The following MSRA variants were observed in gnomAD, a reference collection of about 807,000 sequenced individuals.
MSRA encodes the protein methionine sulfoxide reductase A.
MSRA carries 54 observed loss-of-function variants against 31.3 expected under a neutral mutation model. That is an observed-to-expected ratio of 1.73 (90% CI 1.39 to 2.17). MSRA has a LOEUF of 2.17. Among genes scored for constraint, MSRA ranks in the 30% most tolerant of loss-of-function variants. The pLI is 0.00. For missense variants in MSRA, 507 were observed against 300.9 expected (o/e 1.69, Z -5.07); for synonymous variants, 169 against 116.5 (o/e 1.45, Z -2.90).
chr8:10,169,403 C>T (rs1267765191), intron 1 of MSRA, among the ~76,000 whole-genome samples: 1 of 152,190 alleles, frequency 6.6e-6, no homozygotes, highest in East Asian at 1.9e-4. Flanking sequence ...TGTGTTACTG[C>T]CACTTTCATT....
intron 5 of MSRA, among the ~76,000 whole-genome samples, chr8:10,407,295 C>T (rs1461644717): frequency 2.6e-5 from 4 of 152,208 alleles, no homozygotes; most frequent in African/African-American, 9.7e-5. Context: ...CATCAGCTCC[C>T]CTGGGTCCTG....
At chr8:10,202,957 G>A (rs1019961304) in intron 1 of MSRA, among the ~76,000 whole-genome samples, 9 of 152,038 alleles carry the variant, frequency 5.9e-5, no homozygotes, top group African/African-American at 2.2e-4. Flanking sequence ...TCTTGTCCTG[G>A]ATCGCCTGTT....
At chr8:10,392,439 G>T (rs972865358) in intron 5 of MSRA, among the ~76,000 whole-genome samples, 2 of 152,134 alleles carry the variant, frequency 1.3e-5, no homozygotes, top group Non-Finnish European at 2.9e-5. Context: ...ACTGAGTCCA[G>T]TGCAGCCCTC....
chr8:10,401,824 T>C (rs560871409), intron 5 of MSRA, among the ~76,000 whole-genome samples: 2 of 152,166 alleles, frequency 1.3e-5, no homozygotes, highest in African/African-American at 4.8e-5. Flanking sequence ...AAATACTGTA[T>C]GATTCCTCTT....
chr8:10,269,629 T>G (rs2129099353), intron 3 of MSRA, among the ~76,000 whole-genome samples: 1 of 151,446 alleles, frequency 6.6e-6, no homozygotes, highest in Middle Eastern at 3.5e-3. Context: ...CTCTTTTGGT[T>G]TTTTGTTGTT....
chr8:10,248,621 A>G (rs1797755193), intron 3 of MSRA, among the ~76,000 whole-genome samples: 1 of 152,184 alleles, frequency 6.6e-6, no homozygotes, highest in Non-Finnish European at 1.5e-5. Context: ...GAGGGTGTGG[A>G]TTCATATCCG....
intron 1 of MSRA, among the ~76,000 whole-genome samples, chr8:10,190,952 C>T (rs1332939303): frequency 1.3e-5 from 2 of 152,150 alleles, no homozygotes; most frequent in Non-Finnish European, 2.9e-5. Flanking sequence ...TAAACTAGGG[C>T]CATGACTGGT....
At chr8:10,241,501 A>C (rs1335515202) in intron 2 of MSRA, among the ~76,000 whole-genome samples, 1 of 152,218 alleles carries the variant, frequency 6.6e-6, no homozygotes, top group South Asian at 2.1e-4. Context: ...TGAAGACACT[A>C]TGTAAATGGA....
intron 4 of MSRA, among the ~76,000 whole-genome samples, chr8:10,304,832 C>T (rs1027165323): frequency 6.6e-6 from 1 of 152,174 alleles, no homozygotes; most frequent in African/African-American, 2.4e-5. Flanking sequence ...TGAAAGAGAG[C>T]AGCAGGTTGG....
intron 3 of MSRA, among the ~76,000 whole-genome samples, chr8:10,292,260 T>G (rs1800277194): frequency 6.6e-6 from 1 of 152,108 alleles, no homozygotes; most frequent in African/African-American, 2.4e-5. Flanking sequence ...CCCGTCCGGA[T>G]GAAGGATAAG....
At chr8:10,088,431 G>C (rs771129067) in intron 1 of MSRA, among the ~76,000 whole-genome samples, 1 of 152,148 alleles carries the variant, frequency 6.6e-6, no homozygotes, top group Non-Finnish European at 1.5e-5. Context: ...TGGAAACTAA[G>C]ATGTCTATCA....
chr8:10,068,084 G>T (rs886514332), intron 1 of MSRA, among the ~76,000 whole-genome samples: 12 of 151,912 alleles, frequency 7.9e-5, no homozygotes, highest in African/African-American at 2.7e-4. Flanking sequence ...GGGTTTCGCT[G>T]TGTTTGCCAG....
At position 10,427,766 on chromosome 8, in the gene MSRA, C is replaced by T. The variant is rs77303595; in HGVS notation, c.544-382C>T. 1.6e-4 allele frequency among the ~76,000 whole-genome samples: 25 copies of T among 152,302 alleles called. No homozygotes were observed. The East Asian group carries it at 4.8e-3, about 29-fold the overall frequency. On this transcript the variant is annotated intron_variant, in intron 5 of 5. Transcript: ENST00000317173. ...GCCCTCTCAGGGACATCCATTTACC[C>T]TCGGGGACAGCCAGGGAGCCATGCT...
chr8:10,398,935 C>A (rs559405642), intron 5 of MSRA, among the ~76,000 whole-genome samples: 1 of 152,284 alleles, frequency 6.6e-6, no homozygotes, highest in African/African-American at 2.4e-5. Flanking sequence ...AAGCCCCTAT[C>A]GAGAGAGGCA....
intron 3 of MSRA, among the ~76,000 whole-genome samples, chr8:10,298,718 T>C (rs1177126437): frequency 2.6e-5 from 4 of 152,178 alleles, no homozygotes; most frequent in South Asian, 2.1e-4. Context: ...GCTTTGACCA[T>C]GTGTGGGATA....
At chr8:10,114,251 G>C (rs1411888268) in intron 1 of MSRA, among the ~76,000 whole-genome samples, 1 of 152,044 alleles carries the variant, frequency 6.6e-6, no homozygotes, top group African/African-American at 2.4e-5. Context: ...TTTACTATTG[G>C]GTTGTTTTTA....
chr8:10,316,653 G>T (rs1408980448), intron 4 of MSRA, among the ~76,000 whole-genome samples: 1 of 150,500 alleles, frequency 6.6e-6, no homozygotes, highest in Non-Finnish European at 1.5e-5. Flanking sequence ...CATTTATTCA[G>T]TGTTTTAAAT....
chr8:10,230,871 G>A (rs1340131475), intron 2 of MSRA, among the ~76,000 whole-genome samples: 2 of 152,060 alleles, frequency 1.3e-5, no homozygotes, highest in African/African-American at 2.4e-5. Context: ...TGCAACCTCC[G>A]CCTCCCAGGT....
At chr8:10,160,776 C>T (rs1011636630) in intron 1 of MSRA, among the ~76,000 whole-genome samples, 1 of 152,124 alleles carries the variant, frequency 6.6e-6, no homozygotes, top group Non-Finnish European at 1.5e-5. Context: ...GATCCACACC[C>T]CTTGGCCTCC....
Sources: allele counts gnomAD v4.1 joint callset (sites outside exome capture counted in the v4.1 genomes callset), GRCh38; gene constraint gnomAD v4.1.1; transcripts MANE v1.5; gene names NCBI Gene and HGNC (gene_info 2026-07-23, HGNC 2026-07-21).